Variants in PCMTD1 observed in about 807,000 individuals in gnomAD.
The protein encoded by PCMTD1 is protein-L-isoaspartate O-methyltransferase domain-containing protein 1.
In PCMTD1, 12 loss-of-function variants were observed where a neutral mutation model predicts 37.6. The observed-to-expected ratio is 0.32, with a 90% CI of 0.20 to 0.52. The LOEUF (loss-of-function observed/expected upper bound fraction) is 0.52, where lower values mean the gene tolerates loss of function less well. Among genes scored for constraint, PCMTD1 ranks in the 20% least tolerant of loss-of-function variants. PCMTD1 has a pLI of 0.97. For synonymous variants in PCMTD1, 117 were observed against 135.8 expected (o/e 0.86, Z 0.96); for missense variants, 235 against 421.3 (o/e 0.56, Z 3.87).
intron 5 of PCMTD1, among the ~76,000 whole-genome samples, chr8:51,827,681 A>T (rs1156330893): frequency 1.3e-5 from 2 of 152,158 alleles, no homozygotes; most frequent in African/African-American, 4.8e-5. Context: ...ATGGTTTAAT[A>T]ACTCCCATAT....
At chr8:51,895,349 T>C (rs1363754462) in intron 1 of PCMTD1, among the ~76,000 whole-genome samples, 2 of 152,212 alleles carry the variant, frequency 1.3e-5, no homozygotes, top group Non-Finnish European at 2.9e-5. Flanking sequence ...CATCAATTGA[T>C]AACATGATTA....
intron 1 of PCMTD1, among the ~76,000 whole-genome samples, chr8:51,873,493 A>C (rs2038666454): frequency 6.6e-6 from 1 of 152,216 alleles, no homozygotes; most frequent in South Asian, 2.1e-4. Flanking sequence ...TGTCATCATC[A>C]AATCATAGTA....
intron 1 of PCMTD1, among the ~76,000 whole-genome samples, chr8:51,883,586 A>C (rs12678479): frequency 0.71 from 108,358 of 152,112 alleles, 43,512 homozygotes; most frequent in Non-Finnish European, 0.9. Context: ...AGGAGGTACA[A>C]AAAGGTTGAC....
chr8:51,873,600 C>G (rs1381488634), intron 1 of PCMTD1, among the ~76,000 whole-genome samples: 1 of 152,052 alleles, frequency 6.6e-6, no homozygotes, highest in Non-Finnish European at 1.5e-5. Flanking sequence ...CAATTGCAGG[C>G]AGTGATTGGA....
At position 51,820,316 on chromosome 8, in the gene PCMTD1, G is replaced by A. The variant is rs1483160064; in HGVS notation, c.*35C>T. On this transcript the variant is annotated 3_prime_UTR_variant, in exon 6 of 6. Coordinates refer to ENST00000522514, the MANE Select transcript of PCMTD1 (RefSeq NM_052937.4). ...AAATGCTACATTTTCAAGACTAAAG[G>A]AATTATCAGTAGGCATTTTTCTTCT... The A allele has an allele frequency of 8.0e-6, 12 of 1,498,360 alleles. No individual in the cohort carries two copies. Among genetic ancestry groups the A allele is most frequent in the Non-Finnish European group, 8.0e-6 (9 of 1,125,148 alleles). The allele number at this position is 1,498,360 out of a possible 1,614,324, so 92.8% of individuals were successfully genotyped here.
intron 2 of PCMTD1, among the ~76,000 whole-genome samples, chr8:51,853,367 C>T (rs2038336919): frequency 6.6e-6 from 1 of 152,066 alleles, no homozygotes; most frequent in Non-Finnish European, 1.5e-5. Flanking sequence ...TCCAACTCAG[C>T]CTAGGGAAGA....
At chr8:51,880,829 C>T (rs1187780738) in intron 1 of PCMTD1, among the ~76,000 whole-genome samples, 1 of 152,226 alleles carries the variant, frequency 6.6e-6, no homozygotes, top group Non-Finnish European at 1.5e-5. Flanking sequence ...CTGAACACCA[C>T]TGTTGTAAGG....
At chr8:51,831,850 G>A (rs1487644104) in intron 4 of PCMTD1, among the ~76,000 whole-genome samples, 1 of 152,204 alleles carries the variant, frequency 6.6e-6, no homozygotes, top group East Asian at 1.9e-4. Context: ...TCTAGGAGAA[G>A]CACTACAATC....
chr8:51,866,193 T>C (rs1404541589), intron 1 of PCMTD1, among the ~76,000 whole-genome samples: 1 of 151,934 alleles, frequency 6.6e-6, no homozygotes, highest in Non-Finnish European at 1.5e-5. Flanking sequence ...TCCATATTCA[T>C]GGACTCACAG....
At chr8:51,861,508 C>T (rs2038468965) in intron 1 of PCMTD1, among the ~76,000 whole-genome samples, 1 of 152,072 alleles carries the variant, frequency 6.6e-6, no homozygotes, top group South Asian at 2.1e-4. Context: ...TACCGTGAAG[C>T]CCATTATGGT....
At chr8:51,839,745 T>C (rs1238911344) in intron 3 of PCMTD1, 1 of 439,392 alleles carries the variant, frequency 2.3e-6, no homozygotes, top group East Asian at 1.6e-4. Flanking sequence ...ATTGAAATTT[T>C]AGACAATTAT....
intron 1 of PCMTD1, among the ~76,000 whole-genome samples, chr8:51,868,485 G>T (rs1187390110): frequency 6.6e-6 from 1 of 152,110 alleles, no homozygotes; most frequent in Non-Finnish European, 1.5e-5. Flanking sequence ...CTATGCTTTG[G>T]CATCAAGGTT....
intron 2 of PCMTD1, among the ~76,000 whole-genome samples, chr8:51,846,592 T>G (rs2038223515): frequency 6.6e-6 from 1 of 152,238 alleles, no homozygotes; most frequent in African/African-American, 2.4e-5. Flanking sequence ...CCACTCAACA[T>G]TTTTGTTTCA....
At chr8:51,874,824 A>G (rs1239458189) in intron 1 of PCMTD1, among the ~76,000 whole-genome samples, 1 of 152,216 alleles carries the variant, frequency 6.6e-6, no homozygotes, top group Non-Finnish European at 1.5e-5. Flanking sequence ...ACAAAAACTG[A>G]TCACTTGTTT....
At chr8:51,823,944 A>C (rs909868476) in intron 5 of PCMTD1, among the ~76,000 whole-genome samples, 3 of 152,202 alleles carry the variant, frequency 2.0e-5, no homozygotes, top group Non-Finnish European at 4.4e-5. Flanking sequence ...ATGACAAAAA[A>C]CCATATGACT....
chr8:51,862,060 A>G (rs1470482370), intron 1 of PCMTD1, among the ~76,000 whole-genome samples: 2 of 151,614 alleles, frequency 1.3e-5, no homozygotes, highest in Non-Finnish European at 2.9e-5. Context: ...ATAGTACAGT[A>G]TAGTATAGTA....
At position 51,817,837 on chromosome 8, in the gene PCMTD1, A is replaced by G. The variant is rs1300381843; in HGVS notation, c.*2514T>C. On this transcript the variant is annotated 3_prime_UTR_variant, in exon 6 of 6. Coordinates refer to ENST00000522514, the MANE Select transcript of PCMTD1 (RefSeq NM_052937.4). ...GGTTGCTGATGGATTCTTGGGATTG[A>G]TCTGATGCTAGAAGCTATCTTAGGC... 1 of 456,630 alleles carries G rather than the reference A, an allele frequency of 2.2e-6. No individual in the cohort carries two copies. The highest frequency in any genetic ancestry group is 2.3e-5 in the Admixed American group (1 of 42,574). 28.3% of individuals were successfully genotyped at this position (456,630 alleles called of 1,614,324 possible).
chr8:51,832,761 A>G (rs2038014898), intron 4 of PCMTD1, among the ~76,000 whole-genome samples: 1 of 152,214 alleles, frequency 6.6e-6, no homozygotes, highest in African/African-American at 2.4e-5. Context: ...ATATTTTCAA[A>G]TGAGTCTATT....
intron 3 of PCMTD1, among the ~76,000 whole-genome samples, chr8:51,841,048 G>T (rs557141431): frequency 6.6e-6 from 1 of 152,262 alleles, no homozygotes; most frequent in East Asian, 1.9e-4. Flanking sequence ...GCAGTAACTT[G>T]CTGGAAAGAA....
Sources: allele counts gnomAD v4.1 joint callset (sites outside exome capture counted in the v4.1 genomes callset), GRCh38; gene constraint gnomAD v4.1.1; transcripts MANE v1.5; gene names NCBI Gene and HGNC (gene_info 2026-07-23, HGNC 2026-07-21).